The following RARB variants were observed in gnomAD, a reference collection of about 807,000 sequenced individuals.
RARB encodes the protein retinoic acid receptor beta.
Under a neutral mutation model 51.9 loss-of-function variants are expected in RARB, and 17 were observed. The observed-to-expected ratio is 0.33, with a 90% confidence interval of 0.22 to 0.49. The LOEUF is 0.49. Among genes scored for constraint, RARB ranks in the 20% least tolerant of loss-of-function variants. The probability of loss-of-function intolerance (pLI) is 0.99; values close to 1 mark genes in which losing one functional copy is unlikely to be tolerated. For synonymous variants in RARB, 215 were observed against 195.4 expected, an observed-to-expected ratio of 1.10 and a Z score of -0.84; for missense variants, 369 against 550.8, an observed-to-expected ratio of 0.67 and a Z score of 3.30.
intron 5 of RARB, among the ~76,000 whole-genome samples, chr3:25,383,017 G>A (rs567389001): frequency 2.0e-5 from 3 of 152,276 alleles, no homozygotes; most frequent in East Asian, 1.9e-4. Context: ...TAGATTAGGA[G>A]GCCCGTTGTT....
chr3:25,275,473 A>C (rs1404392463), intron 5 of RARB, among the ~76,000 whole-genome samples: 1 of 152,120 alleles, frequency 6.6e-6, no homozygotes, highest in Non-Finnish European at 1.5e-5. Context: ...AAAACAAAAC[A>C]AACTCAGGTC....
At chr3:25,572,872 G>A (rs1469445171) in intron 4 of RARB, among the ~76,000 whole-genome samples, 1 of 152,128 alleles carries the variant, frequency 6.6e-6, no homozygotes, top group Non-Finnish European at 1.5e-5. Context: ...GACTCACCTA[G>A]TAATCAGGTG....
chr3:25,386,864 C>T (rs1446425769), intron 5 of RARB, among the ~76,000 whole-genome samples: 4 of 152,120 alleles, frequency 2.6e-5, no homozygotes, highest in African/African-American at 9.7e-5. Context: ...TGTGTTCACC[C>T]AGAATAAAAT....
At chr3:25,508,293 C>T (rs1199306420) in intron 3 of RARB, among the ~76,000 whole-genome samples, 1 of 152,112 alleles carries the variant, frequency 6.6e-6, no homozygotes, top group African/African-American at 2.4e-5. Flanking sequence ...ATGAACGTCC[C>T]CATGGGTCGA....
chr3:24,908,580 A>G (rs138276615), intron 2 of RARB, among the ~76,000 whole-genome samples: 1 of 151,576 alleles, frequency 6.6e-6, no homozygotes, highest in African/African-American at 2.4e-5. Flanking sequence ...AATGAGGTCA[A>G]CTTGAGGATA....
chr3:25,227,367 A>G (rs959108393), intron 5 of RARB, among the ~76,000 whole-genome samples: 9 of 152,214 alleles, frequency 5.9e-5, no homozygotes, highest in African/African-American at 1.9e-4. Flanking sequence ...TGAAAGCACT[A>G]CAGAAATTTC....
chr3:25,109,624 C>A (rs2125324735), intron 3 of RARB, among the ~76,000 whole-genome samples: 1 of 152,288 alleles, frequency 6.6e-6, no homozygotes, highest in Admixed American at 6.5e-5. Flanking sequence ...CAAAACTCTG[C>A]AACCACATTC....
chr3:25,146,393 A>T (rs1013190361), intron 4 of RARB, among the ~76,000 whole-genome samples: 1 of 152,122 alleles, frequency 6.6e-6, no homozygotes, highest in Non-Finnish European at 1.5e-5. Context: ...GCAGCCATAG[A>T]CAATATATGT....
At chr3:25,208,026 G>GT (rs1440970421) in intron 5 of RARB, among the ~76,000 whole-genome samples, 1 of 151,254 alleles carries the variant, frequency 6.6e-6, no homozygotes, top group African/African-American at 2.4e-5. Context: ...GGGCAAGGGG[G>GT]GGAGCAAATT....
rs1694793985 is a variant in RARB at position 25,454,458 on chromosome 3, T to G, written c.158-6735T>G. The stretch of plus-strand genomic sequence containing the variant: ...GGGATTCGGAGCTCTGGGCTCAAAA[T>G]TCCCCTGGGGCCATGCAGGAAATGT... On this transcript the variant is annotated intron_variant, in intron 1 of 7. Coordinates refer to ENST00000330688, the MANE Select transcript of RARB (RefSeq NM_000965.5). Among the ~76,000 whole-genome samples the G allele has an allele frequency of 2.0e-5, 3 of 152,234 alleles. No individual in the cohort carries two copies. In the South Asian group the frequency reaches 6.2e-4, roughly 31 times the overall value.
intron 5 of RARB, among the ~76,000 whole-genome samples, chr3:25,367,112 A>G (rs1474892415): frequency 6.6e-6 from 1 of 152,192 alleles, no homozygotes; most frequent in Admixed American, 6.5e-5. Flanking sequence ...AGAGATCTAA[A>G]AAAGATTCTC....
intron 2 of RARB, among the ~76,000 whole-genome samples, chr3:24,916,734 G>A (rs1255805534): frequency 6.0e-5 from 8 of 133,166 alleles, no homozygotes; most frequent in African/African-American, 2.1e-4. Flanking sequence ...CTATTCTATG[G>A]CATTGCAGTC....
chr3:24,926,191 T>C (rs1034123916), intron 2 of RARB, among the ~76,000 whole-genome samples: 8 of 152,128 alleles, frequency 5.3e-5, no homozygotes, highest in African/African-American at 1.9e-4. Context: ...AGCAGTAGGA[T>C]GTTTGTTAGC....
At chr3:25,424,441 G>A (rs545018216), upstream of RARB, among the ~76,000 whole-genome samples, 70 of 152,264 alleles carry the variant, frequency 4.6e-4, no homozygotes, top group African/African-American at 1.5e-3. Context: ...TACTTGCCTC[G>A]TGCTGCCAAC....
intron 5 of RARB, among the ~76,000 whole-genome samples, chr3:25,299,017 T>C (rs771487274): frequency 2.6e-5 from 4 of 152,208 alleles, no homozygotes; most frequent in Non-Finnish European, 2.9e-5. Context: ...TAGACTTGCA[T>C]AGTTATTTAA....
At chr3:24,866,405 A>G (rs1472064701) in intron 2 of RARB, among the ~76,000 whole-genome samples, 1 of 152,186 alleles carries the variant, frequency 6.6e-6, no homozygotes, top group Admixed American at 6.5e-5. Flanking sequence ...ACTGACATGT[A>G]TACAGGGAAA....
chr3:25,303,219 A>T (rs1704081787), intron 5 of RARB, among the ~76,000 whole-genome samples: 1 of 152,182 alleles, frequency 6.6e-6, no homozygotes, highest in African/African-American at 2.4e-5. Flanking sequence ...CTCCATTCGC[A>T]GGTGAGAAAA....
rs139869798 is a variant in RARB at position 25,217,134 on chromosome 3, T to A, written c.178+42559T>A. ...AGCGGTGATATTGCAATTTTATTCT[T>A]CATTACTTTATTAGAATTTATTTCT... is the stretch of plus-strand genomic sequence containing the variant. On this transcript the variant is annotated intron_variant, in intron 5 of 11. Coordinates refer to the RARB transcript ENST00000383772. Among the ~76,000 whole-genome samples, 815 of 152,320 alleles carry A rather than the reference T, an allele frequency of 5.4e-3. 14 individuals are homozygous for A. The highest frequency in any genetic ancestry group is 0.017 in the African/African-American group (719 of 41,580).
At chr3:25,003,553 C>T (rs190091233) in intron 2 of RARB, among the ~76,000 whole-genome samples, 1 of 152,064 alleles carries the variant, frequency 6.6e-6, no homozygotes, top group African/African-American at 2.4e-5. Flanking sequence ...TTAATAGGTA[C>T]AACTACTGGC....
Sources: gnomAD v4.1 joint callset for allele counts (sites outside exome capture counted in the v4.1 genomes callset) on GRCh38, gnomAD v4.1.1 for gene constraint, MANE v1.5 for transcripts, NCBI Gene and HGNC (gene_info 2026-07-23, HGNC 2026-07-21) for gene names.